The following NOL4L variants were observed in gnomAD, a reference collection of about 807,000 sequenced individuals.
NOL4L encodes the protein nucleolar protein 4-like.
NOL4L carries 7 observed loss-of-function variants against 64.5 expected under a neutral mutation model. The ratio of observed to expected loss-of-function variants is 0.11; its 90% CI spans 0.06 to 0.20. The LOEUF is 0.20. Among genes scored for constraint, NOL4L ranks in the 10% least tolerant of loss-of-function variants. NOL4L has a pLI of 1.00. For synonymous variants in NOL4L, 413 were observed against 401.0 expected, an observed-to-expected ratio of 1.03 and a Z score of -0.36; for missense variants, 680 against 967.1, an observed-to-expected ratio of 0.70 and a Z score of 3.94.
chr20:32,504,839 T>C (rs2017076523), intron 4 of NOL4L, among the ~76,000 whole-genome samples: 1 of 152,156 alleles, frequency 6.6e-6, no homozygotes, highest in Non-Finnish European at 1.5e-5. Context: ...GACCTTGTGA[T>C]ACACTCGCTT....
At chr20:32,583,779 C>T (rs1376363926) in intron 1 of NOL4L, among the ~76,000 whole-genome samples, 54 of 149,992 alleles carry the variant, frequency 3.6e-4, no homozygotes, top group Non-Finnish European at 1.9e-4. Flanking sequence ...CGCCTCCTCC[C>T]TTTAGGCGGC....
intron 3 of NOL4L, among the ~76,000 whole-genome samples, chr20:32,514,507 T>C (rs1446884625): frequency 3.3e-5 from 5 of 149,934 alleles, no homozygotes; most frequent in Non-Finnish European, 7.4e-5. Context: ...AAAAAAAAAG[T>C]AAATGTCACT....
rs546645154 is a variant in NOL4L, at chr20:32,447,197, T to C, written c.*399A>G. The C allele has an allele frequency of 5.1e-5, 24 of 470,228 alleles. No individual in the cohort carries two copies. Among genetic ancestry groups the C allele is most frequent in the Non-Finnish European group, 8.4e-5 (20 of 237,436 alleles). The allele number at this position is 470,228 out of a possible 1,614,324, so 29.1% of individuals were successfully genotyped here. A position where few individuals can be genotyped will look rare whatever the true frequency, so the allele number is the denominator to read the frequency against. The stretch of plus-strand genomic sequence containing the variant: ...AAGGGGAGAGGAAGAAAGGGTCCAC[T>C]TTGCTTTTCTCAATAAATATGCAAT... On this transcript the variant is annotated 3_prime_UTR_variant, in exon 11 of 11. Transcript: ENST00000621426.
intron 4 of NOL4L, among the ~76,000 whole-genome samples, chr20:32,495,689 C>T (rs187208227): frequency 5.2e-4 from 79 of 152,212 alleles, no homozygotes; most frequent in Middle Eastern, 6.8e-3. Context: ...ATGGCTGGGG[C>T]GCAGTGGCTC....
At chr20:32,481,971 G>GGT (rs1555794925) in intron 4 of NOL4L, among the ~76,000 whole-genome samples, 5 of 148,690 alleles carry the variant, frequency 3.4e-5, no homozygotes, top group Admixed American at 1.3e-4. Context: ...GGGCGGGGGG[G>GGT]GGGGAGCAGG....
Position 32,559,793 on chromosome 20 carries a change from G to A in NOL4L, c.321+24777C>T, listed in dbSNP as rs192133577. ...CACAGTCACCTCCGAGCTGGCTGCC[G>A]CCCTCCTCCCAGGCGTGGGCATCCC... On this transcript the variant is annotated intron_variant, in intron 1 of 10. Transcript: ENST00000621426. 8.6e-3 allele frequency among the ~76,000 whole-genome samples: 1,310 copies of A among 152,332 alleles called. 17 individuals are homozygous for A. Among genetic ancestry groups the A allele is most frequent in the African/African-American group, 0.029 (1,190 of 41,578 alleles).
Position 32,452,315 on chromosome 20 carries a change from G to GTTGAGGCCGCC in NOL4L, c.1732_1742dup (p.Asn581LysfsTer14). The GTTGAGGCCGCC allele has an allele frequency of 6.2e-7, 1 of 1,609,816 alleles. No homozygotes were observed. Among genetic ancestry groups the GTTGAGGCCGCC allele is most frequent in the Non-Finnish European group, 8.5e-7 (1 of 1,177,740 alleles). ...AGGCCCCGTACCCGCGGTAACTGTAGTTGAGGCCGCCGTTGGCGTACACAG... is the reference window on the plus strand; with the variant it reads ...AGGCCCCGTACCCGCGGTAACTGTAGTTGAGGCCGCCTTGAGGCCGCCGTTGGCGTACACAG... On this transcript the variant is annotated frameshift_variant, in exon 10 of 11. Transcript: ENST00000621426. LOFTEE classifies it high-confidence loss of function.
intron 5 of NOL4L, among the ~76,000 whole-genome samples, chr20:32,461,171 G>A (rs2014009332): frequency 6.6e-6 from 1 of 152,224 alleles, no homozygotes; most frequent in Non-Finnish European, 1.5e-5. Context: ...CAAGGGCTGA[G>A]TTTACTCCAA....
At chr20:32,483,394 G>C in intron 4 of NOL4L, 1 of 985,838 alleles carries the variant, frequency 1.0e-6, no homozygotes, top group Non-Finnish European at 1.2e-6. Context: ...ATGGGCGGTC[G>C]GGATCCGCGA....
At chr20:32,474,527 C>T (rs2015251038) in intron 5 of NOL4L, 74 bp downstream of exon 5, 1 of 1,528,920 alleles carries the variant, frequency 6.5e-7, no homozygotes, top group Admixed American at 1.9e-5. Flanking sequence ...TGTGTCCACA[C>T]CTCTCACCTG....
At chr20:32,506,129 G>A (rs75244925) in intron 4 of NOL4L, among the ~76,000 whole-genome samples, 7,268 of 152,088 alleles carry the variant, frequency 0.048, 597 homozygotes, top group African/African-American at 0.17. Flanking sequence ...TCCATTTAGG[G>A]GGATGGAAGC....
At chr20:32,584,524 A>G (rs1282658523) in intron 1 of NOL4L, 46 bp downstream of exon 1, 1 of 556,392 alleles carries the variant, frequency 1.8e-6, no homozygotes, top group African/African-American at 2.9e-5. Context: ...CGCCTGCCCC[A>G]AGCCCCGCGG....
rs1326711859 is a variant in NOL4L, at chr20:32,453,719, C to T, written c.1162G>A (p.Glu388Lys). ...SSGSYDSIKT[E>K]VSGCPEDLTV... ...AGGTCCTCAGGGCAGCCGCTGACCTCGGTCTTGATGGAATCGTAGCTCCCA... is the reference window on the plus strand; with the variant it reads ...AGGTCCTCAGGGCAGCCGCTGACCTTGGTCTTGATGGAATCGTAGCTCCCA... Residue 388 changes from glutamate (E) to lysine (K), a missense_variant, in exon 7 of 11, where the codon GAG becomes AAG. Physicochemically the swap from Glu to Lys is moderately conservative, Grantham distance 56 (BLOSUM62 1). Transcript: ENST00000621426. The surrounding 1 kb of genome is among the most constrained non-coding windows in gnomAD (Gnocchi z 5.6). 3.2e-6 allele frequency: 5 copies of T among 1,557,298 alleles called. No individual in the cohort carries two copies. Among genetic ancestry groups the T allele is most frequent in the East Asian group, 2.4e-5 (1 of 41,418 alleles).
intron 5 of NOL4L, among the ~76,000 whole-genome samples, chr20:32,465,968 T>G (rs963556302): frequency 6.7e-6 from 1 of 149,782 alleles, no homozygotes; most frequent in Non-Finnish European, 1.5e-5. Flanking sequence ...CAGGCTCACC[T>G]TCACCTCCAT....
chr20:32,508,693 C>T lies in NOL4L; in HGVS notation c.699+2654G>A, dbSNP rs142638549. Among the ~76,000 whole-genome samples, 59 of 152,320 alleles carry T rather than the reference C, an allele frequency of 3.9e-4. No individual in the cohort carries two copies. In the East Asian group the frequency reaches 8.7e-3, roughly 22 times the overall value. Reference sequence around the variant, plus strand: ...GCCCCACTGTAAGCAGAGGCCACCTCGATCTTGGCCCTGCCCCAGCTGGAC... The same window carrying T: ...GCCCCACTGTAAGCAGAGGCCACCTTGATCTTGGCCCTGCCCCAGCTGGAC... On this transcript the variant is annotated intron_variant, in intron 4 of 10. Coordinates refer to ENST00000621426, the MANE Select transcript of NOL4L (RefSeq NM_001256798.2).
chr20:32,511,538 G>A, intron 3 of NOL4L, 82 bp from the exon 4 acceptor site: 1 of 947,212 alleles, frequency 1.1e-6, no homozygotes, highest in Non-Finnish European at 1.6e-6. Flanking sequence ...CAGAGCCCGT[G>A]GAAGAGGAAG....
At position 32,556,544 on chromosome 20, in the gene NOL4L, C is replaced by CT. The variant is rs908142484; in HGVS notation, c.321+28025dup. 3.8e-4 allele frequency among the ~76,000 whole-genome samples: 58 copies of CT among 152,202 alleles called. 1 individual carries two copies. The highest frequency in any genetic ancestry group is 1.5e-5 in the Non-Finnish European group (1 of 68,040). On this transcript the variant is annotated intron_variant, in intron 1 of 10. Transcript: ENST00000621426. ...AAGCTCATCCCCGGGGGCCCAGAGA[C>CT]TAGAAGCGGAGGCTCAGAAAGGGAG...
intron 3 of NOL4L, among the ~76,000 whole-genome samples, chr20:32,512,513 G>C (rs532229759): frequency 6.6e-6 from 1 of 152,266 alleles, no homozygotes; most frequent in South Asian, 2.1e-4. Context: ...GAAGATCAAA[G>C]TGATGCATGT....
chr20:32,445,028 A>G lies in NOL4L; in HGVS notation c.*2568T>C, dbSNP rs910724922. Reference sequence around the variant, plus strand: ...GCAGAAACTTGCTCCTGATTCTGCCATCTCTAGGGCTTCAGGTGTAGTTTC... The same window carrying G: ...GCAGAAACTTGCTCCTGATTCTGCCGTCTCTAGGGCTTCAGGTGTAGTTTC... On this transcript the variant is annotated 3_prime_UTR_variant, in exon 11 of 11. Coordinates refer to ENST00000621426, the MANE Select transcript of NOL4L (RefSeq NM_001256798.2). 2.2e-4 allele frequency: 33 copies of G among 152,252 alleles called. No homozygotes were observed. Among genetic ancestry groups the G allele is most frequent in the African/African-American group, 6.5e-4 (27 of 41,466 alleles). 9.4% of individuals were successfully genotyped at this position (152,252 alleles called of 1,614,324 possible).
Sources: gnomAD v4.1 joint callset for allele counts (sites outside exome capture counted in the v4.1 genomes callset) on GRCh38, gnomAD v4.1.1 for gene constraint, Gnocchi (gnomAD v3.1) non-coding constraint, MANE v1.5 for transcripts, NCBI Gene and HGNC (gene_info 2026-07-23, HGNC 2026-07-21) for gene names.